Variants in G3BP2 observed in about 807,000 individuals in gnomAD.
The protein encoded by G3BP2 is ras GTPase-activating protein-binding protein 2.
Under a neutral mutation model 56.7 loss-of-function variants are expected in G3BP2, and 11 were observed. That is an observed-to-expected ratio of 0.19 (90% CI 0.12 to 0.32). The LOEUF (loss-of-function observed/expected upper bound fraction) is 0.32, where lower values mean the gene tolerates loss of function less well. G3BP2 is among the 10% of genes least tolerant of loss of function. The pLI, the probability that G3BP2 is intolerant of heterozygous loss-of-function variation, is 1.00. For synonymous variants in G3BP2, 165 were observed against 191.6 expected, an observed-to-expected ratio of 0.86 and a Z score of 1.15; for missense variants, 340 against 610.9, an observed-to-expected ratio of 0.56 and a Z score of 4.67.
Position 75,658,947 on chromosome 4 carries a change from T to G in G3BP2, c.96-23A>C, listed in dbSNP as rs752483555. On this transcript the variant is annotated intron_variant, in intron 2 of 11. Coordinates refer to ENST00000359707, the MANE Select transcript of G3BP2 (RefSeq NM_203505.3). ...AACCTGCAAAACCATAATTAATGAT[T>G]AACACTGAATTGTCAAGAGAAGCCT... 24 of 1,520,998 alleles carry G rather than the reference T, an allele frequency of 1.6e-5. No homozygotes were observed. The South Asian group carries it at 2.6e-4, about 16-fold the overall frequency. 94.2% of individuals were successfully genotyped at this position (1,520,998 alleles called of 1,614,324 possible).
intron 3 of G3BP2, among the ~76,000 whole-genome samples, chr4:75,685,354 A>T (rs1465529698): frequency 6.6e-6 from 1 of 151,958 alleles, no homozygotes; most frequent in African/African-American, 2.4e-5. Flanking sequence ...CACAAAAATT[A>T]ACTGGGCATG....
At chr4:75,719,874 T>C (rs2149122248) in intron 3 of G3BP2, among the ~76,000 whole-genome samples, 1 of 151,990 alleles carries the variant, frequency 6.6e-6, no homozygotes, top group African/African-American at 2.4e-5. Flanking sequence ...CAAGGGTGAG[T>C]TACCGTGCCC....
chr4:75,708,522 C>T (rs757378181), intron 3 of G3BP2, among the ~76,000 whole-genome samples: 2 of 152,240 alleles, frequency 1.3e-5, no homozygotes, highest in African/African-American at 2.4e-5. Flanking sequence ...AACTGGTCCA[C>T]AGCCTTAAAG....
At chr4:75,656,903 A>G (rs772649587) in intron 5 of G3BP2, 21 bp downstream of exon 5, 42 of 1,143,070 alleles carry the variant, frequency 3.7e-5, no homozygotes, top group South Asian at 2.7e-4. Context: ...TTCTATCTTC[A>G]TATCTTCAAA....
intron 3 of G3BP2, among the ~76,000 whole-genome samples, chr4:75,713,569 G>T (rs1719829589): frequency 6.6e-6 from 1 of 152,112 alleles, no homozygotes; most frequent in Non-Finnish European, 1.5e-5. Context: ...ATTGCTTTAG[G>T]CCAGGAGTTC....
rs55689229 is a variant in G3BP2 at position 75,719,347 on chromosome 4, C to CA, written c.-25+1529dup. On this transcript the variant is annotated intron_variant, in intron 3 of 3. Transcript: ENST00000499709. ...TGGGCGACAGAGCAAGACTCCGTCT[C>CA]AAAAAAAAAAAAAAAAAAAAGAAAT... Among the ~76,000 whole-genome samples, 243 of 86,954 alleles carry CA rather than the reference C, an allele frequency of 2.8e-3. 1 individual carries two copies. The highest frequency in any genetic ancestry group is 6.9e-3 in the African/African-American group (152 of 21,884). 57.0% of individuals were successfully genotyped at this position (86,954 alleles called of 152,430 possible). A position where few individuals can be genotyped will look rare whatever the true frequency, so the allele number is the denominator to read the frequency against.
At chr4:75,647,243 T>C in intron 9 of G3BP2, 86 bp from the exon 10 acceptor site, 1 of 851,816 alleles carries the variant, frequency 1.2e-6, no homozygotes. Flanking sequence ...CACTTAATAT[T>C]GATATTCCTG....
chr4:75,667,068 C>T (rs1443601513), intron 1 of G3BP2, among the ~76,000 whole-genome samples: 2 of 152,080 alleles, frequency 1.3e-5, no homozygotes, highest in African/African-American at 4.8e-5. Context: ...GGGTGAATCG[C>T]TTGAGCTCAG....
At chr4:75,683,900 A>G (rs1718453930) in intron 3 of G3BP2, among the ~76,000 whole-genome samples, 1 of 152,120 alleles carries the variant, frequency 6.6e-6, no homozygotes, top group Non-Finnish European at 1.5e-5. Context: ...TATTGACCAA[A>G]GGCCTTTTGT....
At chr4:75,675,189 T>C (rs1237568683), upstream of G3BP2, among the ~76,000 whole-genome samples, 1 of 152,170 alleles carries the variant, frequency 6.6e-6, no homozygotes, top group African/African-American at 2.4e-5. Flanking sequence ...ATACTCCCAT[T>C]GTACTAATTG....
Position 75,695,893 on chromosome 4 carries a change from G to A in G3BP2, c.-25+24984C>T, listed in dbSNP as rs1251579479. ...GGAGGCTGAGGCAGGAGAATCGCTT[G>A]AACCTGGGAGGCAGAGGTTGCAGTG... On this transcript the variant is annotated intron_variant, in intron 3 of 3. Coordinates refer to the G3BP2 transcript ENST00000499709. 2.0e-5 allele frequency among the ~76,000 whole-genome samples: 3 copies of A among 149,554 alleles called. No individual in the cohort carries two copies. In the South Asian group the frequency reaches 6.3e-4, roughly 32 times the overall value.
intron 1 of G3BP2, among the ~76,000 whole-genome samples, chr4:75,667,683 G>T (rs1271986962): frequency 6.6e-6 from 1 of 152,152 alleles, no homozygotes; most frequent in African/African-American, 2.4e-5. Context: ...AAGGTCAGGA[G>T]ATCGAGACCA....
chr4:75,666,067 AC>A (rs1236169595), intron 1 of G3BP2, among the ~76,000 whole-genome samples: 2 of 152,176 alleles, frequency 1.3e-5, no homozygotes, highest in African/African-American at 4.8e-5. Flanking sequence ...TGTTTCTCAA[AC>A]CAAAATAAAA....
chr4:75,661,824 T>G (rs1160973006), intron 2 of G3BP2, 107 bp downstream of exon 2: 2 of 632,870 alleles, frequency 3.2e-6, no homozygotes, highest in Non-Finnish European at 5.7e-6. Context: ...TAGACATGTT[T>G]ACAAAGATAC....
chr4:75,713,061 T>G (rs1388280392), intron 3 of G3BP2, among the ~76,000 whole-genome samples: 1 of 152,182 alleles, frequency 6.6e-6, no homozygotes, highest in Non-Finnish European at 1.5e-5. Flanking sequence ...GTGGGTATTT[T>G]TAAGTATCAA....
chr4:75,678,692 T>G (rs1373934730), intron 3 of G3BP2, among the ~76,000 whole-genome samples: 1 of 152,218 alleles, frequency 6.6e-6, no homozygotes, highest in Non-Finnish European at 1.5e-5. Context: ...CCACACTGCC[T>G]GGATTTGAAT....
At chr4:75,674,704 ATATATATATATATATTTTTTTTT>A (rs1371512041), upstream of G3BP2, among the ~76,000 whole-genome samples, 1 of 42,014 alleles carries the variant, frequency 2.4e-5, no homozygotes, top group Non-Finnish European at 4.9e-5. Flanking sequence ...ACATATATAT[ATATATATATATATATTTTTTTTT>A]TTTTTTTTTT....
At chr4:75,651,133 G>C (rs1297888100) in intron 8 of G3BP2, among the ~76,000 whole-genome samples, 1 of 152,140 alleles carries the variant, frequency 6.6e-6, no homozygotes, top group African/African-American at 2.4e-5. Flanking sequence ...TTCAACTAAG[G>C]GGGTCTAAAG....
intron 2 of G3BP2, among the ~76,000 whole-genome samples, chr4:75,661,087 G>A (rs942197714): frequency 6.6e-6 from 1 of 152,134 alleles, no homozygotes; most frequent in Admixed American, 6.6e-5. Context: ...GATTTAAGCT[G>A]TTGATTTCAA....
Sources: gnomAD v4.1 joint callset for allele counts (sites outside exome capture counted in the v4.1 genomes callset) on GRCh38, gnomAD v4.1.1 for gene constraint, MANE v1.5 for transcripts, NCBI Gene and HGNC (gene_info 2026-07-23, HGNC 2026-07-21) for gene names.